Variants in TPD52L1 observed in about 807,000 individuals in gnomAD.
The protein encoded by TPD52L1 is tumor protein D53.
In TPD52L1, 18 loss-of-function variants were observed where a neutral mutation model predicts 28.7. That is an observed-to-expected ratio of 0.63 (90% CI 0.43 to 0.93). TPD52L1 has a LOEUF of 0.93. Among genes scored for constraint, TPD52L1 ranks in the 40% least tolerant of loss-of-function variants. The pLI is 0.00. For missense variants in TPD52L1, 203 were observed against 254.8 expected (o/e 0.80, Z 1.39); for synonymous variants, 75 against 88.8 (o/e 0.84, Z 0.88).
In TPD52L1 at chr6:125,227,270, T is replaced by G. The variant is rs1249916836; in HGVS notation, c.136-1848T>G. Among the ~76,000 whole-genome samples the G allele has an allele frequency of 2.0e-5, 3 of 152,216 alleles. No individual in the cohort carries two copies. In the East Asian group the frequency reaches 5.8e-4, roughly 29 times the overall value. Reference sequence around the variant, plus strand: ...TTTCTGCTTGTTTTGCTTACGTGATTATTTGTGTATATAAAGGTTCGCAAA... The same window carrying G: ...TTTCTGCTTGTTTTGCTTACGTGATGATTTGTGTATATAAAGGTTCGCAAA... On this transcript the variant is annotated intron_variant, in intron 2 of 6. Coordinates refer to ENST00000534000, the MANE Select transcript of TPD52L1 (RefSeq NM_003287.4).
At position 125,172,160 on chromosome 6, in the gene TPD52L1, TC is replaced by T. The variant is rs1398421356; in HGVS notation, c.19+18191del. ...TCTTTCTTTCTTTCTTTCTTTCTTT[TC>T]TTTCTTTCTTTCTTTCTTTCTTTCT... On this transcript the variant is annotated intron_variant, in intron 1 of 6. Transcript: ENST00000534000. Among the ~76,000 whole-genome samples the T allele has an allele frequency of 1.1e-3, 62 of 53,954 alleles. 1 individual carries two copies. Among genetic ancestry groups the T allele is most frequent in the African/African-American group, 3.7e-3 (61 of 16,278 alleles). The allele number at this position is 53,954 out of a possible 152,430, so 35.4% of individuals were successfully genotyped here. A position where few individuals can be genotyped will look rare whatever the true frequency, so the allele number is the denominator to read the frequency against.
intron 2 of TPD52L1, among the ~76,000 whole-genome samples, chr6:125,224,624 A>G (rs1795480538): frequency 6.6e-6 from 1 of 152,200 alleles, no homozygotes; most frequent in South Asian, 2.1e-4. Context: ...TGGGTCTCTT[A>G]GCCAAAGGCA....
chr6:125,220,647 T>C (rs1795173441), intron 2 of TPD52L1, among the ~76,000 whole-genome samples: 1 of 152,160 alleles, frequency 6.6e-6, no homozygotes, highest in South Asian at 2.1e-4. Context: ...AGCAACTGAA[T>C]TTATAAGTTG....
intron 3 of TPD52L1, among the ~76,000 whole-genome samples, chr6:125,245,748 C>T (rs559445153): frequency 1.8e-4 from 28 of 152,176 alleles, no homozygotes; most frequent in Non-Finnish European, 3.7e-4. Context: ...CGAGGCCAGT[C>T]TCACTCCTGC....
At chr6:125,186,819 A>G (rs1014310407) in intron 1 of TPD52L1, among the ~76,000 whole-genome samples, 3 of 152,216 alleles carry the variant, frequency 2.0e-5, no homozygotes, top group African/African-American at 7.2e-5. Context: ...AGTTAATTTT[A>G]TATAGATTAA....
chr6:125,160,850 CTTT>C (rs57061570), intron 1 of TPD52L1, among the ~76,000 whole-genome samples: 3 of 129,466 alleles, frequency 2.3e-5, no homozygotes, highest in Admixed American at 8.0e-5. Context: ...ACAGAGATGA[CTTT>C]TTTTTTTTTT....
At chr6:125,186,752 A>G (rs904813981) in intron 1 of TPD52L1, among the ~76,000 whole-genome samples, 1 of 152,200 alleles carries the variant, frequency 6.6e-6, no homozygotes, top group African/African-American at 2.4e-5. Context: ...AGGGGCAGAA[A>G]ACTGGGACCT....
At chr6:125,195,827 C>G (rs781625482) in intron 1 of TPD52L1, among the ~76,000 whole-genome samples, 4 of 152,174 alleles carry the variant, frequency 2.6e-5, no homozygotes, top group Non-Finnish European at 5.9e-5. Context: ...TGCATGGTGA[C>G]AAAGCCTGTC....
chr6:125,235,506 A>T (rs1044410856), intron 3 of TPD52L1, among the ~76,000 whole-genome samples: 3 of 152,190 alleles, frequency 2.0e-5, no homozygotes, highest in Non-Finnish European at 4.4e-5. Context: ...CCTGGGCCAC[A>T]TGTGACCCAT....
At chr6:125,250,470 T>C (rs1284802152) in intron 4 of TPD52L1, among the ~76,000 whole-genome samples, 2 of 152,312 alleles carry the variant, frequency 1.3e-5, no homozygotes, top group Admixed American at 6.5e-5. Flanking sequence ...TGGACTGTTA[T>C]AAAAGTAGCA....
At chr6:125,243,810 G>A (rs534588891) in intron 3 of TPD52L1, among the ~76,000 whole-genome samples, 86 of 151,186 alleles carry the variant, frequency 5.7e-4, no homozygotes, top group Non-Finnish European at 1.0e-3. Flanking sequence ...CAGAGATTTC[G>A]TCTTGGTTTG....
intron 2 of TPD52L1, among the ~76,000 whole-genome samples, chr6:125,225,263 G>A (rs1582965581): frequency 6.6e-6 from 1 of 152,126 alleles, no homozygotes; most frequent in South Asian, 2.1e-4. Context: ...TGGACATTTG[G>A]GCTGTAGTCA....
intron 1 of TPD52L1, among the ~76,000 whole-genome samples, chr6:125,178,562 G>A (rs1791965701): frequency 6.6e-6 from 1 of 152,036 alleles, no homozygotes; most frequent in Non-Finnish European, 1.5e-5. Flanking sequence ...TGGAGGTTGT[G>A]GTGAGCCAAG....
At chr6:125,239,161 G>T (rs2115012975) in intron 3 of TPD52L1, among the ~76,000 whole-genome samples, 1 of 152,038 alleles carries the variant, frequency 6.6e-6, no homozygotes, top group Admixed American at 6.5e-5. Flanking sequence ...TTAAATTATG[G>T]TCATTTTTGC....
chr6:125,218,392 G>A (rs1174987456), intron 1 of TPD52L1, among the ~76,000 whole-genome samples: 4 of 152,238 alleles, frequency 2.6e-5, no homozygotes, highest in Admixed American at 1.3e-4. Context: ...ATTAACATTT[G>A]TGATTTCTGT....
intron 1 of TPD52L1, among the ~76,000 whole-genome samples, chr6:125,172,106 TTC>T (rs1192267048): frequency 1.8e-5 from 1 of 54,434 alleles, no homozygotes; most frequent in Non-Finnish European, 3.6e-5. Context: ...TTCCCTTTCT[TTC>T]TTTCTTTCTT....
At chr6:125,166,038 A>C (rs1005453621) in intron 1 of TPD52L1, among the ~76,000 whole-genome samples, 3 of 152,198 alleles carry the variant, frequency 2.0e-5, no homozygotes, top group Admixed American at 6.5e-5. Flanking sequence ...ATGAGTACCC[A>C]AAAAAAGAAA....
intron 1 of TPD52L1, among the ~76,000 whole-genome samples, chr6:125,207,751 C>T (rs1794240219): frequency 6.6e-6 from 1 of 152,184 alleles, no homozygotes; most frequent in Admixed American, 6.5e-5. Flanking sequence ...CACTGGAACA[C>T]AATGTTCATG....
At chr6:125,262,692 C>A in intron 6 of TPD52L1, 142 bp from the exon 7 acceptor site, 1 of 1,185,316 alleles carries the variant, frequency 8.4e-7, no homozygotes, top group Non-Finnish European at 1.2e-6. Context: ...CTAAAGGAAA[C>A]AAACTTCTGT....
Sources: gnomAD v4.1 joint callset for allele counts (sites outside exome capture counted in the v4.1 genomes callset) on GRCh38, gnomAD v4.1.1 for gene constraint, MANE v1.5 for transcripts, NCBI Gene and HGNC (gene_info 2026-07-23, HGNC 2026-07-21) for gene names.